Variants in AKAP9 observed in about 807,000 individuals in gnomAD.
The protein encoded by AKAP9 is A-kinase anchoring protein 9, also known as A-kinase anchor protein 9.
A neutral mutation model predicts 488.5 loss-of-function variants in AKAP9; 311 were observed. The ratio of observed to expected loss-of-function variants is 0.64; its 90% CI spans 0.58 to 0.70. The LOEUF is 0.70. Among genes scored for constraint, AKAP9 ranks in the 30% least tolerant of loss-of-function variants. The probability of loss-of-function intolerance (pLI) is 0.00; values close to 1 mark genes in which losing one functional copy is unlikely to be tolerated. For synonymous variants in AKAP9, 1,462 were observed against 1,483.5 expected, an observed-to-expected ratio of 0.99 and a Z score of 0.33; for missense variants, 4,215 against 4,374.5, an observed-to-expected ratio of 0.96 and a Z score of 1.03.
At chr7:92,099,905 T>G in intron 44 of AKAP9, 36 bp downstream of exon 44, 1 of 1,586,444 alleles carries the variant, frequency 6.3e-7, no homozygotes. Context: ...ATATGAGAAT[T>G]AGTGCATGCT....
At chr7:92,065,631 C>A (rs1810651381) in intron 25 of AKAP9, among the ~76,000 whole-genome samples, 168 bp downstream of exon 25, 1 of 151,980 alleles carries the variant, frequency 6.6e-6, no homozygotes, top group Non-Finnish European at 1.5e-5. Context: ...ATTTAAGATT[C>A]CAATAATTTT....
At position 92,017,023 on chromosome 7, in the gene AKAP9, A is replaced by G. The variant is rs1243392476; in HGVS notation, c.3758A>G (p.Gln1253Arg). 1.9e-6 allele frequency: 3 copies of G among 1,576,026 alleles called. No homozygotes were observed. In the South Asian group the frequency reaches 3.4e-5, roughly 18 times the overall value. Reference protein sequence around the residue: ...QDYRYEVQDFQENMHTLLNKV... With the variant: ...QDYRYEVQDFRENMHTLLNKV... ...TTGTTTGTTTACCATCCAGACTTTCAAGAAAATATGCACACTCTTCTCAAC... is the reference window on the plus strand; with the variant it reads ...TTGTTTGTTTACCATCCAGACTTTCGAGAAAATATGCACACTCTTCTCAAC... The change falls in exon 12 of 50, where the codon CAA becomes CGA. Residue 1253 changes from glutamine (Q) to arginine (R), a missense_variant. By Grantham distance (43) the Gln-to-Arg change is conservative (BLOSUM62 1). This residue lies in a region of AKAP9 where 2,361 missense variants were observed against 2,430.0 expected (regional missense o/e 0.97). Coordinates refer to ENST00000356239, the MANE Select transcript of AKAP9 (RefSeq NM_005751.5).
intron 25 of AKAP9, among the ~76,000 whole-genome samples, 163 bp from the exon 26 acceptor site, chr7:92,066,264 A>G (rs916987820): frequency 6.6e-6 from 1 of 152,250 alleles, no homozygotes; most frequent in Non-Finnish European, 1.5e-5. Context: ...CATATAAAAA[A>G]TAAAATGTTA....
intron 41 of AKAP9, 39 bp from the exon 42 acceptor site, chr7:92,097,546 CT>C: frequency 1.3e-6 from 2 of 1,591,050 alleles, no homozygotes; most frequent in Non-Finnish European, 1.7e-6. Context: ...ATGCTGTTCA[CT>C]TATAATTATT....
intron 22 of AKAP9, among the ~76,000 whole-genome samples, chr7:92,059,437 C>G (rs1163928469): frequency 2.0e-5 from 3 of 151,212 alleles, no homozygotes; most frequent in African/African-American, 7.3e-5. Flanking sequence ...TTGATTGTTC[C>G]AACTTTTTCA....
chr7:91,970,394 G>A, intron 1 of AKAP9: 1 of 438,472 alleles, frequency 2.3e-6, no homozygotes, highest in Non-Finnish European at 4.5e-6. Flanking sequence ...TTGTGGGTTT[G>A]TCCACGTACT....
intron 1 of AKAP9, among the ~76,000 whole-genome samples, chr7:91,954,390 TC>T (rs1792676058): frequency 6.6e-6 from 1 of 152,134 alleles, no homozygotes; most frequent in Admixed American, 6.5e-5. Flanking sequence ...GTTCAAGTAA[TC>T]CTCCCATCTC....
At chr7:91,943,725 C>T (rs1791085312) in intron 1 of AKAP9, among the ~76,000 whole-genome samples, 1 of 152,120 alleles carries the variant, frequency 6.6e-6, no homozygotes, top group Non-Finnish European at 1.5e-5. Context: ...AATGAATGAA[C>T]AGAATGATTA....
rs1293943649 is a variant in AKAP9, at chr7:91,949,090, C to T, written c.48+7943C>T. Among the ~76,000 whole-genome samples the T allele has an allele frequency of 3.9e-5, 6 of 151,958 alleles. No individual in the cohort carries two copies. In the South Asian group the frequency reaches 1.0e-3, roughly 26 times the overall value. ...CTTTAGAGAAATGTCTATTAATATC[C>T]CTTGCCCATTTTTTAATTGGGTTGT... is the stretch of plus-strand genomic sequence containing the variant. On this transcript the variant is annotated intron_variant, in intron 1 of 49. Transcript: ENST00000356239.
intron 8 of AKAP9, among the ~76,000 whole-genome samples, chr7:92,004,657 A>G (rs2130676395): frequency 6.6e-6 from 1 of 152,270 alleles, no homozygotes; most frequent in African/African-American, 2.4e-5. Context: ...TGATTTTTGC[A>G]CATTGATTTT....
intron 2 of AKAP9, among the ~76,000 whole-genome samples, chr7:91,978,745 ATTTAT>A (rs1796014494): frequency 6.8e-6 from 1 of 146,728 alleles, no homozygotes; most frequent in African/African-American, 2.5e-5. Flanking sequence ...TTTTTTATTG[ATTTAT>A]TTTAATTATT....
chr7:92,087,034 CA>C (rs1325119677), intron 37 of AKAP9, among the ~76,000 whole-genome samples: 1 of 152,110 alleles, frequency 6.6e-6, no homozygotes, highest in African/African-American at 2.4e-5. Flanking sequence ...ATAAAAGGCA[CA>C]AAAATTTGAA....
Position 92,047,460 on chromosome 7 carries a change from C to A in AKAP9, c.5368+2247C>A, listed in dbSNP as rs555505414. The stretch of plus-strand genomic sequence containing the variant: ...TTTCGAACTCCTGACCTCAAGTGAT[C>A]CACCAACCTCGGCCTCCCAAAGTGC... On this transcript the variant is annotated intron_variant, in intron 21 of 49. Coordinates refer to ENST00000356239, the MANE Select transcript of AKAP9 (RefSeq NM_005751.5). Among the ~76,000 whole-genome samples the A allele has an allele frequency of 4.6e-5, 7 of 152,258 alleles. No homozygotes were observed. The South Asian group carries it at 1.5e-3, about 32-fold the overall frequency.
Position 91,963,482 on chromosome 7 carries a change from T to TCTCACACACACACA in AKAP9, c.49-10228_49-10227insTCACACACACACAC, listed in dbSNP as rs375244495. On this transcript the variant is annotated intron_variant, in intron 1 of 49. Coordinates refer to ENST00000356239, the MANE Select transcript of AKAP9 (RefSeq NM_005751.5). ...TGTTATTCTGTAGATAACATATTTG[T>TCTCACACACACACA]CACACACACACACACACACACACAC... 2.9e-3 allele frequency among the ~76,000 whole-genome samples: 404 copies of TCTCACACACACACA among 139,308 alleles called. 2 individuals are homozygous for TCTCACACACACACA. The highest frequency in any genetic ancestry group is 9.5e-3 in the East Asian group (45 of 4,718). 91.4% of individuals were successfully genotyped at this position (139,308 alleles called of 152,430 possible). A position where few individuals can be genotyped will look rare whatever the true frequency, so the allele number is the denominator to read the frequency against.
At chr7:92,045,894 C>T (rs188682788) in intron 21 of AKAP9, among the ~76,000 whole-genome samples, 369 of 133,418 alleles carry the variant, frequency 2.8e-3, no homozygotes, top group Admixed American at 4.7e-3. Flanking sequence ...AGTGCAGTGG[C>T]GCAGTCTGGG....
intron 43 of AKAP9, 138 bp downstream of exon 43, chr7:92,098,352 A>G (rs1816974503): frequency 1.7e-6 from 1 of 577,326 alleles, no homozygotes; most frequent in Non-Finnish European, 3.0e-6. Flanking sequence ...TTAAATATGA[A>G]TAATAATGCT....
At chr7:91,960,904 TC>T (rs1000814878) in intron 1 of AKAP9, among the ~76,000 whole-genome samples, 1 of 152,198 alleles carries the variant, frequency 6.6e-6, no homozygotes, top group African/African-American at 2.4e-5. Context: ...CAAGGGAGGT[TC>T]CCATACCACC....
chr7:92,052,705 T>C lies in AKAP9; in HGVS notation c.5369-21T>C, dbSNP rs983468668. ...ATGATTATTATAATTAATTTATGCC[T>C]TTAAAACACTGTTATTCTAGTTACA... On this transcript the variant is annotated intron_variant, in intron 21 of 49. Coordinates refer to ENST00000356239, the MANE Select transcript of AKAP9 (RefSeq NM_005751.5). 3 of 1,534,058 alleles carry C rather than the reference T, an allele frequency of 2.0e-6. No homozygotes were observed. In the East Asian group the frequency reaches 6.9e-5, roughly 35 times the overall value.
intron 31 of AKAP9, 124 bp downstream of exon 31, chr7:92,080,276 T>C: frequency 6.0e-6 from 5 of 830,004 alleles, no homozygotes; most frequent in Non-Finnish European, 9.0e-6. Context: ...TATAAAAATA[T>C]ACCACTTATA....
Sources: gnomAD v4.1 joint callset for allele counts (sites outside exome capture counted in the v4.1 genomes callset) on GRCh38, gnomAD v4.1.1 for gene constraint, gnomAD v4.1.1 regional missense constraint, MANE v1.5 for transcripts, NCBI Gene and HGNC (gene_info 2026-07-23, HGNC 2026-07-21) for gene names.